Variants in FCHSD2 observed in about 807,000 individuals in gnomAD.
FCHSD2 encodes FCH and double SH3 domains 2.
Under a neutral mutation model 108.1 loss-of-function variants are expected in FCHSD2, and 38 were observed. That is an observed-to-expected ratio of 0.35 (90% CI 0.27 to 0.46). The LOEUF (loss-of-function observed/expected upper bound fraction) is 0.46, where lower values mean the gene tolerates loss of function less well. Ranked by LOEUF, FCHSD2 falls within the 20% of genes least tolerant of loss-of-function variation. FCHSD2 has a pLI of 1.00. For synonymous variants in FCHSD2, 279 were observed against 314.7 expected (o/e 0.89, Z 1.20); for missense variants, 751 against 897.8 (o/e 0.84, Z 2.09).
At chr11:72,992,197 A>G (rs1476086537) in intron 5 of FCHSD2, among the ~76,000 whole-genome samples, 4 of 152,160 alleles carry the variant, frequency 2.6e-5, no homozygotes, top group African/African-American at 7.2e-5. Context: ...TAGGAATCCA[A>G]CTTACAAGGG....
At chr11:73,107,547 T>C (rs1373951831) in intron 2 of FCHSD2, among the ~76,000 whole-genome samples, 1 of 152,180 alleles carries the variant, frequency 6.6e-6, no homozygotes, top group East Asian at 1.9e-4. Context: ...CTTCTTATTC[T>C]AATTGTTTAT....
intron 2 of FCHSD2, among the ~76,000 whole-genome samples, chr11:73,114,877 G>A (rs561293871): frequency 2.0e-5 from 3 of 152,182 alleles, no homozygotes; most frequent in African/African-American, 4.8e-5. Flanking sequence ...CAAGCTGTGC[G>A]CCCAAAACTG....
At chr11:72,992,941 C>G (rs1182882175) in intron 5 of FCHSD2, among the ~76,000 whole-genome samples, 2 of 152,148 alleles carry the variant, frequency 1.3e-5, no homozygotes, top group Non-Finnish European at 2.9e-5. Flanking sequence ...TTCTGCACAG[C>G]AAAAGGAACT....
At chr11:73,041,653 T>A (rs1858642007) in intron 3 of FCHSD2, among the ~76,000 whole-genome samples, 2 of 152,200 alleles carry the variant, frequency 1.3e-5, no homozygotes, top group Non-Finnish European at 1.5e-5. Context: ...AGTCCTTTAT[T>A]AAACGAATAC....
At chr11:72,959,479 C>CCCG (rs1334918748) in intron 8 of FCHSD2, among the ~76,000 whole-genome samples, 4 of 988 alleles carry the variant, frequency 4.0e-3, no homozygotes, top group African/African-American at 4.2e-3. Flanking sequence ...TCATGATCCG[C>CCCG]CCGCCTCGGC....
At chr11:72,887,351 G>A in intron 12 of FCHSD2, 119 bp downstream of exon 12, 1 of 666,644 alleles carries the variant, frequency 1.5e-6, no homozygotes, top group Non-Finnish European at 2.6e-6. Flanking sequence ...GGACACGAAT[G>A]AAGACGGTGA....
At chr11:73,076,688 T>C (rs909515014) in intron 3 of FCHSD2, among the ~76,000 whole-genome samples, 12 of 152,240 alleles carry the variant, frequency 7.9e-5, no homozygotes, top group African/African-American at 2.9e-4. Flanking sequence ...ATTAATGGTA[T>C]GTAAATTAAA....
At chr11:73,100,935 T>G (rs1860210967) in intron 2 of FCHSD2, among the ~76,000 whole-genome samples, 1 of 152,084 alleles carries the variant, frequency 6.6e-6, no homozygotes, top group African/African-American at 2.4e-5. Context: ...ACAACCCTTT[T>G]CTCAGAGCTC....
chr11:73,103,572 T>G (rs944168677), intron 2 of FCHSD2, among the ~76,000 whole-genome samples: 2 of 152,210 alleles, frequency 1.3e-5, no homozygotes, highest in Admixed American at 1.3e-4. Flanking sequence ...GTGTCTGTCT[T>G]TCTCAAACAA....
At position 72,956,364 on chromosome 11, in the gene FCHSD2, GC is replaced by G. The variant is rs1352056487; in HGVS notation, c.705+27723del. On this transcript the variant is annotated intron_variant, in intron 8 of 19. Coordinates refer to ENST00000409418, the MANE Select transcript of FCHSD2 (RefSeq NM_014824.3). ...ATTCAGGAGGGTTTCATCAAAGTAT[GC>G]TAAGGCTGGTGAGTGGAGGTCTGAC... 2.0e-5 allele frequency among the ~76,000 whole-genome samples: 3 copies of G among 152,138 alleles called. No individual in the cohort carries two copies. The South Asian group carries it at 6.2e-4, about 31-fold the overall frequency.
intron 14 of FCHSD2, among the ~76,000 whole-genome samples, chr11:72,845,739 C>T (rs1481791427): frequency 2.6e-5 from 4 of 152,268 alleles, no homozygotes; most frequent in South Asian, 2.1e-4. Context: ...GGTGTTCTTC[C>T]GTCCATCAGG....
In FCHSD2 at chr11:73,101,583, G is replaced by T. The variant is rs11235656; in HGVS notation, c.120-17843C>A. On this transcript the variant is annotated intron_variant, in intron 2 of 19. Transcript: ENST00000409418. Reference sequence around the variant, plus strand: ...CTCCCGAGTAGCTGGGGCTACAGATGCACATACCATGCCCAGCTAATTTTT... The same window carrying T: ...CTCCCGAGTAGCTGGGGCTACAGATTCACATACCATGCCCAGCTAATTTTT... Among the ~76,000 whole-genome samples, 3 of 152,062 alleles carry T rather than the reference G, an allele frequency of 2.0e-5. No homozygotes were observed. In the East Asian group the frequency reaches 5.8e-4, roughly 29 times the overall value.
intron 8 of FCHSD2, among the ~76,000 whole-genome samples, chr11:72,948,383 T>G (rs541397006): frequency 1.3e-5 from 2 of 152,348 alleles, no homozygotes; most frequent in South Asian, 4.1e-4. Context: ...GTTTCATTTT[T>G]CAACATTTTA....
chr11:72,898,728 AT>A (rs35118990), intron 10 of FCHSD2, among the ~76,000 whole-genome samples: 134,684 of 137,904 alleles, frequency 0.98, 65,768 homozygotes, highest in Admixed American at 0.98. Flanking sequence ...TTTTCTTTCT[AT>A]TTTTTTTTTT....
intron 11 of FCHSD2, among the ~76,000 whole-genome samples, chr11:72,888,775 C>T (rs1365377635): frequency 1.3e-5 from 2 of 151,928 alleles, no homozygotes; most frequent in African/African-American, 4.8e-5. Flanking sequence ...TGTGCGCCCC[C>T]ATGCCCGACT....
At chr11:72,842,994 G>A (rs1861008337) in intron 16 of FCHSD2, 153 bp from the exon 17 acceptor site, 1 of 865,706 alleles carries the variant, frequency 1.2e-6, no homozygotes, top group Non-Finnish European at 1.8e-6. Flanking sequence ...ATTAACTTTA[G>A]GGTTCTACTG....
At chr11:72,899,168 C>T (rs967593943) in intron 10 of FCHSD2, among the ~76,000 whole-genome samples, 1 of 152,134 alleles carries the variant, frequency 6.6e-6, no homozygotes, top group Non-Finnish European at 1.5e-5. Context: ...ATGTCTAGCA[C>T]GAAATAAATG....
chr11:72,915,545 G>A (rs888776305), intron 9 of FCHSD2, among the ~76,000 whole-genome samples: 7 of 152,048 alleles, frequency 4.6e-5, no homozygotes, highest in African/African-American at 1.7e-4. Context: ...GTACATGGTC[G>A]GGCGTGGTGG....
rs374049137 is a variant in FCHSD2 at position 73,088,888 on chromosome 11, T to G, written c.120-5148A>C. Reference sequence around the variant, plus strand: ...GGAAATATTTAAATTATGTATTTTTTACCCTTTTAAGTTTATACATAACTC... The same window carrying G: ...GGAAATATTTAAATTATGTATTTTTGACCCTTTTAAGTTTATACATAACTC... On this transcript the variant is annotated intron_variant, in intron 2 of 19. Coordinates refer to ENST00000409418, the MANE Select transcript of FCHSD2 (RefSeq NM_014824.3). Among the ~76,000 whole-genome samples the G allele has an allele frequency of 1.7e-4, 26 of 152,312 alleles. 1 individual carries two copies. In the East Asian group the frequency reaches 4.8e-3, roughly 28 times the overall value.
Sources: gnomAD v4.1 joint callset for allele counts (sites outside exome capture counted in the v4.1 genomes callset) on GRCh38, gnomAD v4.1.1 for gene constraint, MANE v1.5 for transcripts, NCBI Gene and HGNC (gene_info 2026-07-23, HGNC 2026-07-21) for gene names.